Variants in FRAS1 observed in about 807,000 individuals in gnomAD.
FRAS1 encodes the protein Fraser extracellular matrix complex subunit 1, also known as extracellular matrix organizing protein FRAS1.
A neutral mutation model predicts 435.2 loss-of-function variants in FRAS1; 290 were observed. The observed-to-expected ratio is 0.67, with a 90% confidence interval of 0.61 to 0.73. FRAS1 has a LOEUF of 0.73. Among genes scored for constraint, FRAS1 ranks in the 30% least tolerant of loss-of-function variants. The probability of loss-of-function intolerance (pLI) is 0.00; values close to 1 mark genes in which losing one functional copy is unlikely to be tolerated. For synonymous variants in FRAS1, 1,800 were observed against 1,851.0 expected (o/e 0.97, Z 0.71); for missense variants, 4,860 against 5,001.5 (o/e 0.97, Z 0.85).
Position 78,125,561 on chromosome 4 carries a change from G to A in FRAS1, c.108+59545G>A, listed in dbSNP as rs149124725. On this transcript the variant is annotated intron_variant, in intron 2 of 73. Coordinates refer to ENST00000512123, the MANE Select transcript of FRAS1 (RefSeq NM_025074.7). ...GATATCTTTGTTAATTTTCTCTTTCGTTGATCTGTCTTTTTTGTTGATGTT... is the reference window on the plus strand; with the variant it reads ...GATATCTTTGTTAATTTTCTCTTTCATTGATCTGTCTTTTTTGTTGATGTT... Among the ~76,000 whole-genome samples, 10 of 152,138 alleles carry A rather than the reference G, an allele frequency of 6.6e-5. No homozygotes were observed. The East Asian group carries it at 1.4e-3, about 21-fold the overall frequency.
intron 27 of FRAS1, 109 bp from the exon 28 acceptor site, chr4:78,383,950 G>A (rs1189957086): frequency 2.7e-6 from 2 of 741,988 alleles, no homozygotes; most frequent in African/African-American, 3.6e-5. Context: ...GCAGCAGTTT[G>A]ATCCAAATTC....
rs114837103 is a variant in FRAS1 at position 78,431,698 on chromosome 4, A to G, written c.4970-659A>G. 7.8e-3 allele frequency among the ~76,000 whole-genome samples: 1,194 copies of G among 152,302 alleles called. 22 individuals are homozygous for G. The highest frequency in any genetic ancestry group is 0.026 in the African/African-American group (1,068 of 41,570). ...CATGACAAGTTTGAGAAGCTTTAAT[A>G]CTTATATACTAAAATGAATCCTGCA... On this transcript the variant is annotated intron_variant, in intron 37 of 73. Transcript: ENST00000512123.
chr4:78,115,290 A>AC (rs932179979), intron 2 of FRAS1, among the ~76,000 whole-genome samples: 1 of 151,872 alleles, frequency 6.6e-6, no homozygotes, highest in Non-Finnish European at 1.5e-5. Flanking sequence ...CTGAAATTCT[A>AC]TTTTTTTGTT....
intron 2 of FRAS1, among the ~76,000 whole-genome samples, chr4:78,084,684 C>T (rs1741059527): frequency 6.6e-6 from 1 of 152,038 alleles, no homozygotes; most frequent in Admixed American, 6.6e-5. Context: ...ATGTTCCGTC[C>T]TCTTCATACA....
rs757311669 is a variant in FRAS1 at position 78,438,905 on chromosome 4, C to T, written c.5370C>T (p.Tyr1790=). The T allele has an allele frequency of 6.2e-7, 1 of 1,604,180 alleles. No homozygotes were observed. Among genetic ancestry groups the T allele is most frequent in the South Asian group, 1.1e-5 (1 of 88,528 alleles). The change falls in exon 40 of 74, where the codon TAC becomes TAT. Residue 1790 remains tyrosine, a synonymous_variant. Coordinates refer to ENST00000512123, the MANE Select transcript of FRAS1 (RefSeq NM_025074.7). ...MEDINNKKIR[Y]SAVFETDGHL... ...GATTCTTTTTGTTTTTTTATAGATA[C>T]TCAGCTGTGTTTGAAACTGATGGTC...
At chr4:78,154,867 C>T (rs1720816533) in intron 2 of FRAS1, among the ~76,000 whole-genome samples, 1 of 152,150 alleles carries the variant, frequency 6.6e-6, no homozygotes, top group Non-Finnish European at 1.5e-5. Flanking sequence ...GACAATCTAG[C>T]AGCAGATAAT....
In FRAS1 at chr4:78,543,291, C is replaced by T. The variant is rs1181533730; in HGVS notation, c.*2167C>T. 6.6e-6 allele frequency: 1 copy of T among 152,204 alleles called. No homozygotes were observed. The highest frequency in any genetic ancestry group is 1.9e-4 in the East Asian group (1 of 5,206). The allele number at this position is 152,204 out of a possible 1,614,324, so 9.4% of individuals were successfully genotyped here. On this transcript the variant is annotated 3_prime_UTR_variant, in exon 74 of 74. Transcript: ENST00000512123. ...TTGTAGAGCGAACTTCCATTTGGCCCATTATTTGTAACTGTGTAACTGCTC... is the reference window on the plus strand; with the variant it reads ...TTGTAGAGCGAACTTCCATTTGGCCTATTATTTGTAACTGTGTAACTGCTC...
chr4:78,456,137 A>ATTTTTT (rs1719187354), intron 47 of FRAS1, among the ~76,000 whole-genome samples: 1 of 52,740 alleles, frequency 1.9e-5, no homozygotes, highest in African/African-American at 9.3e-5. Flanking sequence ...AACACATGTC[A>ATTTTTT]CTTTTTTTTT....
chr4:78,079,536 C>A (rs530567532), intron 2 of FRAS1, among the ~76,000 whole-genome samples: 36 of 152,314 alleles, frequency 2.4e-4, no homozygotes, highest in African/African-American at 8.7e-4. Context: ...GCTCCCTCAA[C>A]TGAAAGTCCA....
intron 2 of FRAS1, among the ~76,000 whole-genome samples, chr4:78,175,227 TG>T (rs1466464992): frequency 1.3e-5 from 2 of 152,230 alleles, no homozygotes; most frequent in Non-Finnish European, 2.9e-5. Flanking sequence ...TTTATACTTC[TG>T]GCTCCCATTA....
chr4:78,402,869 C>T (rs527782547), intron 30 of FRAS1, among the ~76,000 whole-genome samples: 127 of 152,272 alleles, frequency 8.3e-4, no homozygotes, highest in Non-Finnish European at 1.5e-3. Flanking sequence ...GACTCTCACT[C>T]AATTTGTTAG....
At chr4:78,515,067 C>CAAAAAAAA (rs34507669) in intron 65 of FRAS1, among the ~76,000 whole-genome samples, 15,666 of 135,242 alleles carry the variant, frequency 0.12, 1,104 homozygotes, top group Non-Finnish European at 0.17. Context: ...GACTCCATCT[C>CAAAAAAAA]AAAAAAAAAA....
chr4:78,420,135 A>G (rs1733714013), intron 33 of FRAS1, among the ~76,000 whole-genome samples: 2 of 152,216 alleles, frequency 1.3e-5, no homozygotes. Flanking sequence ...CTGCTCCCAC[A>G]TCTGGGACTG....
intron 2 of FRAS1, among the ~76,000 whole-genome samples, chr4:78,127,441 G>A (rs1719421877): frequency 6.6e-6 from 1 of 152,182 alleles, no homozygotes; most frequent in African/African-American, 2.4e-5. Flanking sequence ...GCCATAGCCT[G>A]GATAACAGAT....
chr4:78,358,818 A>G (rs1730964757), intron 20 of FRAS1, among the ~76,000 whole-genome samples: 1 of 152,192 alleles, frequency 6.6e-6, no homozygotes, highest in South Asian at 2.1e-4. Context: ...TTGTTTGCTT[A>G]CTTAATACTG....
At chr4:78,539,574 T>C in intron 73 of FRAS1, 134 bp downstream of exon 73, 3 of 920,272 alleles carry the variant, frequency 3.3e-6, no homozygotes, top group Non-Finnish European at 4.9e-6. Flanking sequence ...AGATCTTTTC[T>C]TATTGTTAAG....
intron 2 of FRAS1, among the ~76,000 whole-genome samples, chr4:78,079,747 G>T (rs1460048893): frequency 6.6e-6 from 1 of 152,100 alleles, no homozygotes; most frequent in Non-Finnish European, 1.5e-5. Context: ...TCCGGCAAAA[G>T]TTCCAGAAAA....
Position 78,446,829 on chromosome 4 carries a change from G to A in FRAS1, c.5959G>A (p.Asp1987Asn), listed in dbSNP as rs767273724. Residue 1987 changes from aspartate (D) to asparagine (N), a missense_variant, in exon 43 of 74, where the codon GAC becomes AAC. Physicochemically the swap from Asp to Asn is conservative, Grantham distance 23. Transcript: ENST00000512123. ...SNSSLSLQDL[D>N]TPDNELIFVL... is the part of the protein sequence containing the mutation. ...TTCTTCTTTGAGCCTGCAAGACCTG[G>A]ACACCCCAGATAATGAGCTCATTTT... 2 of 1,612,586 alleles carry A rather than the reference G, an allele frequency of 1.2e-6. No homozygotes were observed.
chr4:78,376,579 C>CT (rs2110314743), intron 26 of FRAS1, among the ~76,000 whole-genome samples: 1 of 152,086 alleles, frequency 6.6e-6, no homozygotes, highest in African/African-American at 2.4e-5. Flanking sequence ...GTGGTACACC[C>CT]TTTTTCACAC....
Sources: gnomAD v4.1 joint callset for allele counts (sites outside exome capture counted in the v4.1 genomes callset) on GRCh38, gnomAD v4.1.1 for gene constraint, MANE v1.5 for transcripts, NCBI Gene and HGNC (gene_info 2026-07-23, HGNC 2026-07-21) for gene names.